FAM168A: variants seen among roughly 807,000 people sequenced by gnomAD.
FAM168A encodes the protein family with sequence similarity 168 member A.
FAM168A carries 3 observed loss-of-function variants against 28.5 expected under a neutral mutation model. The observed-to-expected ratio is 0.11, with a 90% CI of 0.05 to 0.27. The LOEUF is 0.27. Among genes scored for constraint, FAM168A ranks in the 10% least tolerant of loss-of-function variants. The probability of loss-of-function intolerance (pLI) is 1.00; values close to 1 mark genes in which losing one functional copy is unlikely to be tolerated. For missense variants in FAM168A, 222 were observed against 311.5 expected, an observed-to-expected ratio of 0.71 and a Z score of 2.16; for synonymous variants, 122 against 124.2, an observed-to-expected ratio of 0.98 and a Z score of 0.12.
chr11:73,483,523 C>T (rs566561997), intron 1 of FAM168A, among the ~76,000 whole-genome samples: 2 of 152,204 alleles, frequency 1.3e-5, no homozygotes, highest in African/African-American at 4.8e-5. Context: ...AATAATATTT[C>T]ATGGGAAGAT....
intron 2 of FAM168A, among the ~76,000 whole-genome samples, chr11:73,461,052 C>G (rs1377147792): frequency 6.6e-6 from 1 of 152,164 alleles, no homozygotes. Flanking sequence ...AGTCAATATT[C>G]ATGGCATGCA....
intron 1 of FAM168A, among the ~76,000 whole-genome samples, chr11:73,571,701 C>T (rs1330360146): frequency 4.6e-5 from 7 of 151,562 alleles, no homozygotes; most frequent in East Asian, 2.0e-4. Flanking sequence ...TCTGCCTGGC[C>T]GCCCATCGTC....
At chr11:73,557,299 G>A (rs1943902653) in intron 1 of FAM168A, among the ~76,000 whole-genome samples, 1 of 152,090 alleles carries the variant, frequency 6.6e-6, no homozygotes, top group Non-Finnish European at 1.5e-5. Context: ...CCAATTCATG[G>A]AGACAAAGTT....
At chr11:73,549,575 G>GTC (rs1310508614) in intron 1 of FAM168A, among the ~76,000 whole-genome samples, 3 of 152,152 alleles carry the variant, frequency 2.0e-5, no homozygotes, top group Non-Finnish European at 4.4e-5. Flanking sequence ...GGCACAAACA[G>GTC]TCTAGCAGGC....
At chr11:73,571,398 G>C (rs935714962) in intron 1 of FAM168A, among the ~76,000 whole-genome samples, 1 of 151,432 alleles carries the variant, frequency 6.6e-6, no homozygotes, top group Non-Finnish European at 1.5e-5. Flanking sequence ...GGCGCGCGCC[G>C]CCATGCCTGA....
intron 1 of FAM168A, among the ~76,000 whole-genome samples, chr11:73,471,185 T>G (rs1442328381): frequency 6.6e-6 from 1 of 152,144 alleles, no homozygotes; most frequent in Non-Finnish European, 1.5e-5. Context: ...GTAAATAGTT[T>G]CAGGGACAGG....
chr11:73,432,144 A>G (rs1867005818), intron 2 of FAM168A, among the ~76,000 whole-genome samples: 1 of 152,206 alleles, frequency 6.6e-6, no homozygotes, highest in African/African-American at 2.4e-5. Flanking sequence ...TCCACTGTGT[A>G]TATGCCAGAC....
chr11:73,432,396 T>C (rs1867010437), intron 2 of FAM168A, among the ~76,000 whole-genome samples: 2 of 152,196 alleles, frequency 1.3e-5, no homozygotes, highest in Admixed American at 1.3e-4. Flanking sequence ...CCTCCAGCAA[T>C]GCATGAGAGT....
chr11:73,437,751 T>C (rs1277638881), intron 2 of FAM168A, among the ~76,000 whole-genome samples: 3 of 150,116 alleles, frequency 2.0e-5, no homozygotes, highest in Non-Finnish European at 4.5e-5. Context: ...GATCGCACCA[T>C]TGCACTCTAG....
intron 2 of FAM168A, among the ~76,000 whole-genome samples, chr11:73,465,118 T>C (rs1483125073): frequency 2.0e-5 from 3 of 151,252 alleles, no homozygotes; most frequent in African/African-American, 4.9e-5. Context: ...CAACCATCTG[T>C]ATAGGTCATT....
chr11:73,492,743 G>GT (rs762862764), intron 1 of FAM168A, among the ~76,000 whole-genome samples: 3 of 152,164 alleles, frequency 2.0e-5, no homozygotes, highest in African/African-American at 4.8e-5. Flanking sequence ...ATAAGATACG[G>GT]TTTGCCCTTA....
intron 3 of FAM168A, among the ~76,000 whole-genome samples, chr11:73,428,213 G>A (rs1037938172): frequency 2.6e-5 from 4 of 152,056 alleles, no homozygotes; most frequent in African/African-American, 7.2e-5. Context: ...GTGGAGGCCC[G>A]GCTCTGATTG....
rs1053372330 is a variant in FAM168A at position 73,406,230 on chromosome 11, G to A, written c.*533C>T. ...GGTTTTGTTCTTGGTCTGTTGCAAT[G>A]GTTCTCAGGAGACATTTCATTTGTG... On this transcript the variant is annotated 3_prime_UTR_variant, in exon 8 of 8. Coordinates refer to ENST00000356467, the MANE Select transcript of FAM168A (RefSeq NM_015159.3). 6.6e-6 allele frequency: 1 copy of A among 151,728 alleles called. No individual in the cohort carries two copies. Among genetic ancestry groups the A allele is most frequent in the African/African-American group, 2.4e-5 (1 of 41,250 alleles). The allele number at this position is 151,728 out of a possible 1,614,324, so 9.4% of individuals were successfully genotyped here. A position where few individuals can be genotyped will look rare whatever the true frequency, so the allele number is the denominator to read the frequency against.
At chr11:73,586,949 A>C (rs911242019) in intron 1 of FAM168A, among the ~76,000 whole-genome samples, 1 of 152,172 alleles carries the variant, frequency 6.6e-6, no homozygotes, top group Non-Finnish European at 1.5e-5. Context: ...TATTCTACTA[A>C]GGCAAAGAAA....
chr11:73,516,229 A>T (rs765378485), intron 1 of FAM168A, among the ~76,000 whole-genome samples: 1 of 152,180 alleles, frequency 6.6e-6, no homozygotes, highest in Non-Finnish European at 1.5e-5. Flanking sequence ...AAAGGCTTGT[A>T]GTCAAAAGAC....
chr11:73,581,423 A>G lies in FAM168A; in HGVS notation c.-19+16500T>C, dbSNP rs78770709. ...ACATTTATGAGCTTCTTTCAAATGT[A>G]TTGAATTTCAAAGGTGGATATAGAT... is the stretch of plus-strand genomic sequence containing the variant. On this transcript the variant is annotated intron_variant, in intron 1 of 7. Transcript: ENST00000356467. Among the ~76,000 whole-genome samples the G allele has an allele frequency of 1.5e-3, 231 of 152,364 alleles. 1 individual carries two copies. The highest frequency in any genetic ancestry group is 5.2e-3 in the African/African-American group (217 of 41,594).
At chr11:73,434,232 T>C (rs974519334) in intron 2 of FAM168A, among the ~76,000 whole-genome samples, 1 of 152,090 alleles carries the variant, frequency 6.6e-6, no homozygotes, top group African/African-American at 2.4e-5. Context: ...CTTTTGTCAG[T>C]GAACAAAACA....
intron 1 of FAM168A, among the ~76,000 whole-genome samples, chr11:73,563,217 G>A (rs970666398): frequency 8.5e-5 from 13 of 152,220 alleles, no homozygotes; most frequent in South Asian, 2.1e-4. Flanking sequence ...AACATTCCTG[G>A]TATATGCTTT....
chr11:73,423,154 C>T (rs1365197853), intron 3 of FAM168A, among the ~76,000 whole-genome samples: 2 of 152,174 alleles, frequency 1.3e-5, no homozygotes, highest in Non-Finnish European at 2.9e-5. Flanking sequence ...TAAAGTGTCA[C>T]CCAGTCTTAT....
Sources: allele counts gnomAD v4.1 joint callset (sites outside exome capture counted in the v4.1 genomes callset), GRCh38; gene constraint gnomAD v4.1.1; transcripts MANE v1.5; gene names NCBI Gene and HGNC (gene_info 2026-07-23, HGNC 2026-07-21).